Variants in DLC1 observed in about 807,000 individuals in gnomAD.
DLC1 encodes DLC1 Rho GTPase activating protein.
A neutral mutation model predicts 140.3 loss-of-function variants in DLC1; 54 were observed. The observed-to-expected ratio is 0.38, with a 90% CI of 0.31 to 0.48. The LOEUF (loss-of-function observed/expected upper bound fraction) is 0.48. Ranked by LOEUF, DLC1 falls within the 20% of genes least tolerant of loss-of-function variation. The pLI is 0.96. For synonymous variants in DLC1, 986 were observed against 728.1 expected, an observed-to-expected ratio of 1.35 and a Z score of -5.70; for missense variants, 2,536 against 1,907.0, an observed-to-expected ratio of 1.33 and a Z score of -6.14.
At chr8:13,413,494 GCA>G (rs1383235615) in intron 2 of DLC1, among the ~76,000 whole-genome samples, 4 of 108,794 alleles carry the variant, frequency 3.7e-5, no homozygotes, top group Non-Finnish European at 6.7e-5. Context: ...GTGTGTGTGT[GCA>G]CACATATATA....
intron 5 of DLC1, among the ~76,000 whole-genome samples, chr8:13,134,128 G>A (rs1280899869): frequency 6.6e-6 from 1 of 152,174 alleles, no homozygotes; most frequent in Non-Finnish European, 1.5e-5. Context: ...GATTCTGATG[G>A]CCTGTAGTTT....
intron 1 of DLC1, among the ~76,000 whole-genome samples, chr8:13,572,745 C>G (rs1021894372): frequency 1.6e-4 from 25 of 151,998 alleles, no homozygotes; most frequent in African/African-American, 5.6e-4. Context: ...TGTTCTTTCC[C>G]CCATTGAATG....
At chr8:13,454,052 G>C (rs1015967282) in intron 2 of DLC1, among the ~76,000 whole-genome samples, 1 of 152,056 alleles carries the variant, frequency 6.6e-6, no homozygotes, top group Non-Finnish European at 1.5e-5. Flanking sequence ...AATTGCCACT[G>C]TACTGGGATT....
At position 13,085,824 on chromosome 8, in the gene DLC1, G is replaced by C. The variant is rs1817506506; in HGVS notation, c.4574C>G (p.Thr1525Ser). 1 of 1,613,978 alleles carries C rather than the reference G, an allele frequency of 6.2e-7. No individual in the cohort carries two copies. Among genetic ancestry groups the C allele is most frequent in the African/African-American group, 1.3e-5 (1 of 74,904 alleles). Residue 1525 changes from threonine (T) to serine (S), a missense_variant, in exon 18 of 18, where the codon ACC (threonine) becomes AGC (serine). Thr to Ser is a moderately conservative substitution (Grantham distance 58). Transcript: ENST00000276297. ...FSNQNTETKD[T>S]KSR Reference sequence around the variant, plus strand: ...TTGCTTCAGTGATCACCTAGATTTGGTGTCTTTGGTTTCAGTGTTCTGGTT... The same window carrying C: ...TTGCTTCAGTGATCACCTAGATTTGCTGTCTTTGGTTTCAGTGTTCTGGTT...
chr8:13,560,553 G>A (rs541478452), intron 1 of DLC1, among the ~76,000 whole-genome samples: 203 of 152,238 alleles, frequency 1.3e-3, no homozygotes, highest in African/African-American at 4.7e-3. Context: ...GACCCCAAAA[G>A]CAGATTGTGT....
At chr8:13,382,419 A>G (rs893817790) in intron 4 of DLC1, among the ~76,000 whole-genome samples, 3 of 140,154 alleles carry the variant, frequency 2.1e-5, no homozygotes, top group Admixed American at 7.7e-5. Context: ...AGGCAGGAGA[A>G]TGGCGTGAAC....
At chr8:13,090,987 T>A (rs752081762) in intron 14 of DLC1, among the ~76,000 whole-genome samples, 1 of 151,912 alleles carries the variant, frequency 6.6e-6, no homozygotes, top group East Asian at 1.9e-4. Flanking sequence ...AAATTTTTTT[T>A]TGTAGAGATG....
chr8:13,499,609 G>T lies in DLC1; in HGVS notation c.463C>A (p.Gln155Lys), dbSNP rs150963046. 40 of 1,614,112 alleles carry T rather than the reference G, an allele frequency of 2.5e-5. No homozygotes were observed. The highest frequency in any genetic ancestry group is 6.7e-5 in the African/African-American group (5 of 75,034). Residue 155 changes from glutamine to lysine, a missense_variant, in exon 2 of 18, where the codon CAA (glutamine) becomes AAA (lysine). Physicochemically the swap from Gln to Lys is moderately conservative, Grantham distance 53. Transcript: ENST00000276297. ...GSLEKALPII[Q>K]SNQVSSNSWG... ...GAGTTAGAAGAAACTTGGTTACTTT[G>T]TATGATGGGCAGTGCCTTTTCTAAG...
chr8:13,381,292 G>C (rs1036143254), intron 4 of DLC1, among the ~76,000 whole-genome samples: 5 of 152,296 alleles, frequency 3.3e-5, no homozygotes, highest in Non-Finnish European at 7.3e-5. Flanking sequence ...AGATGAAAGT[G>C]TTCACGTATC....
intron 15 of DLC1, 105 bp downstream of exon 15, chr8:13,090,147 G>A: frequency 9.2e-7 from 1 of 1,085,118 alleles, no homozygotes; most frequent in South Asian, 1.6e-5. Flanking sequence ...GGAGGTTGTG[G>A]GCTACAGATC....
chr8:13,470,204 AG>A (rs2117065894), intron 2 of DLC1, among the ~76,000 whole-genome samples: 1 of 152,346 alleles, frequency 6.6e-6, no homozygotes, highest in South Asian at 2.1e-4. Context: ...ATAAGTTAAA[AG>A]TACTTCAGAA....
At chr8:13,408,553 T>A (rs1055353957) in intron 2 of DLC1, among the ~76,000 whole-genome samples, 1 of 152,206 alleles carries the variant, frequency 6.6e-6, no homozygotes, top group African/African-American at 2.4e-5. Flanking sequence ...TGAGAAGTGT[T>A]CAGAAGTGCA....
At chr8:13,283,543 T>A (rs1383386205) in intron 5 of DLC1, among the ~76,000 whole-genome samples, 4 of 152,128 alleles carry the variant, frequency 2.6e-5, no homozygotes, top group African/African-American at 7.2e-5. Context: ...TGAGACAAGA[T>A]CTCACTCTGT....
chr8:13,528,697 A>C (rs1050407656), intron 1 of DLC1, among the ~76,000 whole-genome samples: 7 of 151,944 alleles, frequency 4.6e-5, no homozygotes, highest in Non-Finnish European at 1.0e-4. Context: ...CTGAGCTGCA[A>C]GTTTTTTAAT....
intron 1 of DLC1, among the ~76,000 whole-genome samples, chr8:13,512,440 T>G (rs530793121): frequency 8.5e-5 from 13 of 152,280 alleles, no homozygotes; most frequent in African/African-American, 3.1e-4. Context: ...AGACATTTAT[T>G]TATATACTGT....
chr8:13,359,640 C>G (rs1835128064), intron 4 of DLC1, among the ~76,000 whole-genome samples: 1 of 152,072 alleles, frequency 6.6e-6, no homozygotes, highest in East Asian at 1.9e-4. Flanking sequence ...TTCATGACAT[C>G]CAAGAATGCT....
intron 5 of DLC1, among the ~76,000 whole-genome samples, chr8:13,294,833 G>A (rs1375406827): frequency 6.6e-6 from 1 of 152,180 alleles, no homozygotes; most frequent in African/African-American, 2.4e-5. Context: ...ATCTTAGGGA[G>A]CCTCTCTGAG....
intron 2 of DLC1, among the ~76,000 whole-genome samples, chr8:13,491,625 G>T (rs77421819): frequency 0.034 from 5,218 of 152,244 alleles, 290 homozygotes; most frequent in African/African-American, 0.12. Flanking sequence ...TGACTAATTA[G>T]TTATGATTAG....
intron 4 of DLC1, among the ~76,000 whole-genome samples, chr8:13,366,848 A>G (rs1403784020): frequency 6.6e-6 from 1 of 151,892 alleles, no homozygotes; most frequent in Non-Finnish European, 1.5e-5. Flanking sequence ...CCCATCAGTC[A>G]TTCTCCCTTC....
Sources: gnomAD v4.1 joint callset for allele counts (sites outside exome capture counted in the v4.1 genomes callset) on GRCh38, gnomAD v4.1.1 for gene constraint, MANE v1.5 for transcripts, NCBI Gene and HGNC (gene_info 2026-07-23, HGNC 2026-07-21) for gene names.